FARS2: variants seen among roughly 807,000 people sequenced by gnomAD.
The protein encoded by FARS2 is phenylalanine--tRNA ligase, mitochondrial.
In FARS2, 40 loss-of-function variants were observed where a neutral mutation model predicts 46.4. The ratio of observed to expected loss-of-function variants is 0.86; its 90% CI spans 0.67 to 1.12. FARS2 has a LOEUF of 1.12. FARS2 is among the 50% of genes most tolerant of loss of function. The pLI, the probability that FARS2 is intolerant of heterozygous loss-of-function variation, is 0.00. For synonymous variants in FARS2, 234 were observed against 214.9 expected, an observed-to-expected ratio of 1.09 and a Z score of -0.78; for missense variants, 513 against 567.9, an observed-to-expected ratio of 0.90 and a Z score of 0.98.
intron 5 of FARS2, among the ~76,000 whole-genome samples, chr6:5,564,425 T>C (rs1040753995): frequency 2.6e-5 from 4 of 152,300 alleles, no homozygotes; most frequent in African/African-American, 9.6e-5. Flanking sequence ...TCCCTTTTTT[T>C]TGTTTGTTTC....
rs781653946 is a variant in FARS2, at chr6:5,545,160, A to C, written c.905-20A>C. On this transcript the variant is annotated intron_variant, in intron 4 of 6. Coordinates refer to ENST00000274680, the MANE Select transcript of FARS2 (RefSeq NM_006567.5). ...ATCTCGATACTTTTTAAAAACAACT[A>C]TTTTGTTTCCTAATCACAGCTGGTG... 15 of 1,612,554 alleles carry C rather than the reference A, an allele frequency of 9.3e-6. No individual in the cohort carries two copies. Among genetic ancestry groups the C allele is most frequent in the African/African-American group, 1.3e-5 (1 of 74,980 alleles).
intron 1 of FARS2, among the ~76,000 whole-genome samples, chr6:5,337,436 G>A (rs1020338196): frequency 2.0e-5 from 3 of 151,932 alleles, no homozygotes; most frequent in Non-Finnish European, 2.9e-5. Flanking sequence ...TGGGTAGAGC[G>A]GCATTTTATA....
chr6:5,701,096 T>G (rs1283616177), intron 6 of FARS2, among the ~76,000 whole-genome samples: 9 of 152,234 alleles, frequency 5.9e-5, no homozygotes, highest in Non-Finnish European at 1.2e-4. Context: ...CAGAAGGATC[T>G]ATGGGATTTG....
intron 5 of FARS2, among the ~76,000 whole-genome samples, chr6:5,599,077 G>T (rs555148586): frequency 2.0e-5 from 3 of 152,250 alleles, no homozygotes; most frequent in African/African-American, 7.2e-5. Context: ...AGACTGAGAT[G>T]ATGTGAAATT....
intron 5 of FARS2, among the ~76,000 whole-genome samples, chr6:5,547,803 C>G (rs1461956750): frequency 6.6e-6 from 1 of 152,228 alleles, no homozygotes; most frequent in Admixed American, 6.5e-5. Flanking sequence ...AGCAGGCTAG[C>G]TCTTCTGCCT....
rs1582562662 is a variant in FARS2 at position 5,605,478 on chromosome 6, T to C, written c.1066-7691T>C. 2.0e-5 allele frequency among the ~76,000 whole-genome samples: 3 copies of C among 152,176 alleles called. No individual in the cohort carries two copies. The South Asian group carries it at 6.2e-4, about 32-fold the overall frequency. On this transcript the variant is annotated intron_variant, in intron 5 of 6. Coordinates refer to ENST00000274680, the MANE Select transcript of FARS2 (RefSeq NM_006567.5). Reference sequence around the variant, plus strand: ...GAACTGAGCTAAGCACCCCATGTCATCATCAGCCGTATCACCATTGGGCAA... The same window carrying C: ...GAACTGAGCTAAGCACCCCATGTCACCATCAGCCGTATCACCATTGGGCAA...
intron 2 of FARS2, among the ~76,000 whole-genome samples, chr6:5,379,874 G>T (rs546815451): frequency 1.3e-5 from 2 of 152,266 alleles, no homozygotes; most frequent in Non-Finnish European, 2.9e-5. Flanking sequence ...CATTTTGCCA[G>T]CTGGCAAAGG....
intron 6 of FARS2, among the ~76,000 whole-genome samples, chr6:5,749,006 T>C (rs760039615): frequency 6.6e-6 from 1 of 152,248 alleles, no homozygotes; most frequent in Non-Finnish European, 1.5e-5. Flanking sequence ...TGGCTTGGTT[T>C]ATAGCCACAG....
intron 6 of FARS2, among the ~76,000 whole-genome samples, chr6:5,625,833 C>G (rs1198778283): frequency 6.6e-6 from 1 of 152,142 alleles, no homozygotes; most frequent in East Asian, 1.9e-4. Context: ...TGGCCAGGCT[C>G]CAGATGGTCT....
At chr6:5,573,293 C>A (rs1772762885) in intron 5 of FARS2, among the ~76,000 whole-genome samples, 1 of 152,198 alleles carries the variant, frequency 6.6e-6, no homozygotes, top group South Asian at 2.1e-4. Flanking sequence ...CACTCCATTT[C>A]TCTCATTGAA....
At chr6:5,616,857 C>CT (rs1582594989) in intron 6 of FARS2, among the ~76,000 whole-genome samples, 1 of 151,948 alleles carries the variant, frequency 6.6e-6, no homozygotes, top group East Asian at 1.9e-4. Flanking sequence ...ATGAGTAACC[C>CT]TTTCGCACTG....
chr6:5,398,900 CAT>C (rs902898343), intron 2 of FARS2, among the ~76,000 whole-genome samples: 1 of 152,060 alleles, frequency 6.6e-6, no homozygotes, highest in African/African-American at 2.4e-5. Flanking sequence ...ATTGTTAACA[CAT>C]ACCTCTGTGG....
chr6:5,478,573 A>C (rs909887632), intron 4 of FARS2, among the ~76,000 whole-genome samples: 2 of 152,214 alleles, frequency 1.3e-5, no homozygotes, highest in African/African-American at 4.8e-5. Flanking sequence ...TATGCTACCA[A>C]TGAACATAGA....
chr6:5,260,741 A>AC, upstream of FARS2: 2 of 1,545,176 alleles, frequency 1.3e-6, no homozygotes, highest in South Asian at 1.2e-5. Flanking sequence ...CATTTTGGAA[A>AC]GAAAAAAAAA....
chr6:5,634,592 G>A (rs762797414), intron 6 of FARS2, among the ~76,000 whole-genome samples: 1 of 152,200 alleles, frequency 6.6e-6, no homozygotes, highest in Non-Finnish European at 1.5e-5. Flanking sequence ...CCAAAGGCAT[G>A]AGCCACAATG....
chr6:5,509,269 T>C (rs993006111), intron 4 of FARS2, among the ~76,000 whole-genome samples: 4 of 152,240 alleles, frequency 2.6e-5, no homozygotes, highest in African/African-American at 7.2e-5. Flanking sequence ...GCCCAGGTTC[T>C]CCTGCCCAGC....
chr6:5,403,637 T>C (rs1178453186), intron 2 of FARS2, among the ~76,000 whole-genome samples: 1 of 152,236 alleles, frequency 6.6e-6, no homozygotes, highest in Non-Finnish European at 1.5e-5. Context: ...CAGTAGCATT[T>C]ATCAGGAAGT....
At chr6:5,320,168 A>G (rs1245321452) in intron 1 of FARS2, among the ~76,000 whole-genome samples, 1 of 152,186 alleles carries the variant, frequency 6.6e-6, no homozygotes, top group Non-Finnish European at 1.5e-5. Flanking sequence ...GCAACTTTTC[A>G]CTTGAGCGTC....
intron 4 of FARS2, among the ~76,000 whole-genome samples, chr6:5,539,004 G>A (rs1305243202): frequency 1.3e-5 from 2 of 152,002 alleles, no homozygotes; most frequent in Admixed American, 1.3e-4. Flanking sequence ...ATGTGCCCGC[G>A]GGAATGACCC....
Sources: allele counts gnomAD v4.1 joint callset (sites outside exome capture counted in the v4.1 genomes callset), GRCh38; gene constraint gnomAD v4.1.1; transcripts MANE v1.5; gene names NCBI Gene and HGNC (gene_info 2026-07-23, HGNC 2026-07-21).